MUC4: variants seen among roughly 807,000 people sequenced by gnomAD.
MUC4 encodes mucin-4.
MUC4 carries 202 observed loss-of-function variants against 257.9 expected under a neutral mutation model. The observed-to-expected ratio is 0.78, with a 90% CI of 0.70 to 0.88. MUC4 has a LOEUF of 0.88. MUC4 is among the 40% of genes least tolerant of loss of function. MUC4 has a pLI of 0.00. For synonymous variants in MUC4, 2,351 were observed against 2,757.1 expected, an observed-to-expected ratio of 0.85 and a Z score of 4.62; for missense variants, 5,976 against 6,513.7, an observed-to-expected ratio of 0.92 and a Z score of 2.84.
At chr3:195,778,616 C>T (rs1415440860) in intron 2 of MUC4, among the ~76,000 whole-genome samples, 161 bp from the exon 3 acceptor site, 4 of 152,192 alleles carry the variant, frequency 2.6e-5, no homozygotes, top group African/African-American at 4.8e-5. Flanking sequence ...TTTTCGATTG[C>T]GGCACAAAGG....
rs778477755 is a variant in MUC4 at position 195,790,767 on chromosome 3, G to A, written c.813C>T (p.Gly271=). The part of the protein sequence containing the change: ...SEKITVTTST[G]STLGNPGETS... ...TCTCCCCTGGGTTTCCAAGAGTGGA[G>A]CCTGTGGAGGTTGTCACTGTTATCT... The change falls in exon 2 of 25, where the codon GGC becomes GGT. Residue 271 remains glycine (G), a synonymous_variant. Coordinates refer to ENST00000463781, the MANE Select transcript of MUC4 (RefSeq NM_018406.7). 34 of 1,613,910 alleles carry A rather than the reference G, an allele frequency of 2.1e-5. No individual in the cohort carries two copies. Among genetic ancestry groups the A allele is most frequent in the Admixed American group, 6.7e-5 (4 of 59,998 alleles).
At position 195,782,939 on chromosome 3, in the gene MUC4, G is replaced by T. The variant is rs750603783; in HGVS notation, c.8641C>A (p.Leu2881Ile). Residue 2881 changes from leucine (L) to isoleucine (I), a missense_variant, in exon 2 of 25, where the codon CTT becomes ATT. Physicochemically the swap from Leu to Ile is conservative, Grantham distance 5. This residue lies in a region of MUC4 where 228 missense variants were observed against 206.3 expected (regional missense o/e 1.11). Coordinates refer to ENST00000463781, the MANE Select transcript of MUC4 (RefSeq NM_018406.7). ...ACTGAGGAAGCGTCGGTGACAGGAAGAGGGGTGGCATGACCTGTGGACACT... is the reference window on the plus strand; with the variant it reads ...ACTGAGGAAGCGTCGGTGACAGGAATAGGGGTGGCATGACCTGTGGACACT... ...SSVSTGHATPLPVTDASSVST... is the reference protein window; with the variant it reads ...SSVSTGHATPIPVTDASSVST... 6.6e-7 allele frequency: 1 copy of T among 1,509,252 alleles called. No homozygotes were observed. The highest frequency in any genetic ancestry group is 1.6e-5 in the African/African-American group (1 of 63,756). 93.5% of individuals were successfully genotyped at this position (1,509,252 alleles called of 1,614,324 possible).
Position 195,799,229 on chromosome 3 carries a change from C to CTGTGTG in MUC4, c.83-7738_83-7733dup, listed in dbSNP as rs56897401. On this transcript the variant is annotated intron_variant, in intron 1 of 24. Transcript: ENST00000463781. ...GTGTTGCTAGTATGTATGTGTGACA[C>CTGTGTG]TGTGTGTGTGTGTGTGTGTGTGTGT... Among the ~76,000 whole-genome samples the CTGTGTG allele has an allele frequency of 6.8e-3, 820 of 120,174 alleles. 9 individuals carry two copies. The highest frequency in any genetic ancestry group is 0.018 in the African/African-American group (679 of 37,996). 78.8% of individuals were successfully genotyped at this position (120,174 alleles called of 152,430 possible).
chr3:195,767,898 T>TCACCACCACCACCACCACCATCACCAC (rs1204867152), intron 7 of MUC4, among the ~76,000 whole-genome samples: 1 of 75,078 alleles, frequency 1.3e-5, no homozygotes, highest in Non-Finnish European at 2.4e-5. Flanking sequence ...ACCACCACCA[T>TCACCACCACCACCACCACCATCACCAC]CACCACCATC....
chr3:195,779,442 G>A lies in MUC4; in HGVS notation c.12138C>T (p.Thr4046=). The change falls in exon 2 of 25, where the codon ACC becomes ACT. Residue 4046 remains threonine (T), a synonymous_variant. Coordinates refer to ENST00000463781, the MANE Select transcript of MUC4 (RefSeq NM_018406.7). ...AAGCATTGGTGACAGGAAGAGGGGT[G>A]GTGTCACCTGTGGATGCTGAGGAAG... ...TSTSSASTGD[T]TPLPVTNASS... 1 of 898,740 alleles carries A rather than the reference G, an allele frequency of 1.1e-6. No homozygotes were observed. Among genetic ancestry groups the A allele is most frequent in the African/African-American group, 2.1e-5 (1 of 46,876 alleles). The allele number at this position is 898,740 out of a possible 1,614,324, so 55.7% of individuals were successfully genotyped here. A position where few individuals can be genotyped will look rare whatever the true frequency, so the allele number is the denominator to read the frequency against.
chr3:195,762,146 A>G lies in MUC4; in HGVS notation c.14453T>C (p.Ile4818Thr), dbSNP rs151048649. The G allele has an allele frequency of 5.0e-6, 8 of 1,603,528 alleles. No homozygotes were observed. The African/African-American group carries it at 5.4e-5, about 11-fold the overall frequency. The part of the protein sequence containing the change: ...ATVSVIALSN[I>T]LHASASLPPE... ...CGGGAGGCTGGCGGAGGCGTGGAGG[A>G]TGTTGGAGAGCGCGATCACCGAGAC... is the stretch of plus-strand genomic sequence containing the variant. The change falls in exon 14 of 25, where the codon ATC (isoleucine) becomes ACC (threonine). Residue 4818 changes from isoleucine (I) to threonine (T), a missense_variant. Ile to Thr is a moderately conservative substitution (Grantham distance 89). Transcript: ENST00000463781.
Position 195,779,971 on chromosome 3 carries a change from G to T in MUC4, c.11609C>A (p.Ala3870Asp). 1 of 1,445,544 alleles carries T rather than the reference G, an allele frequency of 6.9e-7. No individual in the cohort carries two copies. Among genetic ancestry groups the T allele is most frequent in the Admixed American group, 2.1e-5 (1 of 46,518 alleles). 89.5% of individuals were successfully genotyped at this position (1,445,544 alleles called of 1,614,324 possible). A position where few individuals can be genotyped will look rare whatever the true frequency, so the allele number is the denominator to read the frequency against. The change falls in exon 2 of 25, where the codon GCC becomes GAC. Residue 3870 changes from alanine to aspartate, a missense_variant. Ala to Asp is a moderately radical substitution (Grantham distance 126). Coordinates refer to ENST00000463781, the MANE Select transcript of MUC4 (RefSeq NM_018406.7). ...TSPSSASTGHATPLPVTGLSS... is the reference protein window; with the variant it reads ...TSPSSASTGHDTPLPVTGLSS... ...AAGGCCGGTAACAGGAAGAGGGGTG[G>T]CGTGACCTGTGGATGCTGAGGAAGG... is the stretch of plus-strand genomic sequence containing the variant.
chr3:195,767,933 GCCACTA>G (rs1408210078), intron 7 of MUC4, among the ~76,000 whole-genome samples: 7 of 62,650 alleles, frequency 1.1e-4, no homozygotes, highest in African/African-American at 3.8e-4. Flanking sequence ...CACCTCCACC[GCCACTA>G]CCACCACCAC....
chr3:195,796,428 C>G (rs193193008), intron 1 of MUC4, among the ~76,000 whole-genome samples: 1 of 152,250 alleles, frequency 6.6e-6, no homozygotes, highest in Non-Finnish European at 1.5e-5. Context: ...AAAATATAAT[C>G]TAGGCCGGGT....
chr3:195,794,307 TG>T (rs1327731168), intron 1 of MUC4, among the ~76,000 whole-genome samples: 2 of 151,826 alleles, frequency 1.3e-5, no homozygotes, highest in African/African-American at 2.4e-5. Flanking sequence ...CTGACTCTTT[TG>T]GGTTTTCATT....
intron 1 of MUC4, among the ~76,000 whole-genome samples, chr3:195,802,858 T>C (rs1328246017): frequency 6.6e-6 from 1 of 152,148 alleles, no homozygotes; most frequent in Non-Finnish European, 1.5e-5. Flanking sequence ...AAACATGTTT[T>C]CCCCTTTCTC....
intron 4 of MUC4, among the ~76,000 whole-genome samples, chr3:195,773,160 C>G (rs1284711702): frequency 1.3e-5 from 2 of 148,384 alleles, no homozygotes; most frequent in African/African-American, 5.0e-5. Context: ...TGTAGACACC[C>G]TCTCTCCATC....
At position 195,751,113 on chromosome 3, in the gene MUC4, CT is replaced by C. The variant is rs1416484584; in HGVS notation, c.15648-2del. On this transcript the variant is annotated splice_acceptor_variant, in intron 22 of 24. Transcript: ENST00000463781. LOFTEE classifies it high-confidence loss of function. ...TCCCGAGGCCGGTGCTGCAGAATCG[CT>C]GTGTGGGAGGGCAACGGTGAGGGGG... 4 of 1,241,438 alleles carry C rather than the reference CT, an allele frequency of 3.2e-6. No homozygotes were observed. Among genetic ancestry groups the C allele is most frequent in the Non-Finnish European group, 4.2e-6 (4 of 942,346 alleles). 76.9% of individuals were successfully genotyped at this position (1,241,438 alleles called of 1,614,324 possible). A position where few individuals can be genotyped will look rare whatever the true frequency, so the allele number is the denominator to read the frequency against.
intron 11 of MUC4, among the ~76,000 whole-genome samples, 191 bp downstream of exon 11, chr3:195,763,854 C>T (rs565624838): frequency 2.6e-5 from 4 of 152,304 alleles, no homozygotes; most frequent in South Asian, 2.1e-4. Flanking sequence ...TTTCGTGCCC[C>T]GCTATTCTCA....
At chr3:195,793,481 G>A (rs1037162385) in intron 1 of MUC4, among the ~76,000 whole-genome samples, 5 of 150,330 alleles carry the variant, frequency 3.3e-5, no homozygotes, top group Non-Finnish European at 4.4e-5. Context: ...CAGCCTGGGC[G>A]ACAGAGCAAG....
At chr3:195,777,993 A>G (rs536588622) in intron 3 of MUC4, among the ~76,000 whole-genome samples, 1 of 151,842 alleles carries the variant, frequency 6.6e-6, no homozygotes, top group East Asian at 1.9e-4. Flanking sequence ...GTGCTCCTCC[A>G]TCCCCGGCTC....
At position 195,778,382 on chromosome 3, in the gene MUC4, C is replaced by T; in HGVS notation, c.12864G>A (p.Gln4288=). 1 of 1,613,172 alleles carries T rather than the reference C, an allele frequency of 6.2e-7. No homozygotes were observed. Among genetic ancestry groups the T allele is most frequent in the Non-Finnish European group, 8.5e-7 (1 of 1,179,872 alleles). ...TGCTGGGAATGGTGGAAATGATGGT[C>T]TGGGAGGTTGTGGGGGGTGGTGATG... ...TATSPPPTTS[Q]TIISTIPSTA... The change falls in exon 3 of 25, where the codon CAG becomes CAA. Residue 4288 remains glutamine, a synonymous_variant. Coordinates refer to ENST00000463781, the MANE Select transcript of MUC4 (RefSeq NM_018406.7).
At chr3:195,759,041 G>T in intron 17 of MUC4, 83 bp downstream of exon 17, 3 of 1,519,054 alleles carry the variant, frequency 2.0e-6, no homozygotes, top group Non-Finnish European at 2.7e-6. Context: ...GCTGGGTGTA[G>T]CAATGCAGAA....
intron 3 of MUC4, among the ~76,000 whole-genome samples, chr3:195,775,921 C>T (rs1724531627): frequency 9.8e-6 from 1 of 102,524 alleles, no homozygotes; most frequent in Non-Finnish European, 1.9e-5. Context: ...CTTCCACACC[C>T]ATACCTTCCA....
Sources: allele counts gnomAD v4.1 joint callset (sites outside exome capture counted in the v4.1 genomes callset), GRCh38; gene constraint gnomAD v4.1.1; regional missense constraint gnomAD v4.1.1; transcripts MANE v1.5; gene names NCBI Gene and HGNC (gene_info 2026-07-23, HGNC 2026-07-21).